SLC39A10: variants seen among roughly 807,000 people sequenced by gnomAD.
The protein encoded by SLC39A10 is solute carrier family 39 member 10, also known as zinc transporter ZIP10.
SLC39A10 carries 13 observed loss-of-function variants against 65.1 expected under a neutral mutation model. The observed-to-expected ratio is 0.20, with a 90% confidence interval of 0.13 to 0.32. The LOEUF (loss-of-function observed/expected upper bound fraction) is 0.32, where lower values mean the gene tolerates loss of function less well. Ranked by LOEUF, SLC39A10 falls within the 10% of genes least tolerant of loss-of-function variation. The probability of loss-of-function intolerance (pLI) is 1.00; values close to 1 mark genes in which losing one functional copy is unlikely to be tolerated. For synonymous variants in SLC39A10, 321 were observed against 342.2 expected, an observed-to-expected ratio of 0.94 and a Z score of 0.68; for missense variants, 831 against 1,018.4, an observed-to-expected ratio of 0.82 and a Z score of 2.50.
In SLC39A10 at chr2:195,734,902, G is replaced by A. The variant is rs763850519; in HGVS notation, c.2357G>A (p.Gly786Asp). ...LVDMLPEMLH[G>D]DGDNEEHGFC... Reference sequence around the variant, plus strand: ...TTCTAGCTTCCAGAAATGTTGCATGGTGATGGTGACAATGAAGAACATGGC... The same window carrying A: ...TTCTAGCTTCCAGAAATGTTGCATGATGATGGTGACAATGAAGAACATGGC... The change falls in exon 10 of 10, where the codon GGT becomes GAT. Residue 786 changes from glycine (G) to aspartate (D), a missense_variant. Physicochemically the swap from Gly to Asp is moderately conservative, Grantham distance 94. This residue lies in a region of SLC39A10 where 120 missense variants were observed against 203.9 expected (regional missense o/e 0.59). Coordinates refer to ENST00000359634, the MANE Select transcript of SLC39A10 (RefSeq NM_020342.3). 1 of 1,607,194 alleles carries A rather than the reference G, an allele frequency of 6.2e-7. No homozygotes were observed. The highest frequency in any genetic ancestry group is 8.5e-7 in the Non-Finnish European group (1 of 1,177,430).
rs67959883 is a variant in SLC39A10 at position 195,623,901 on chromosome 2, CCACACACA to C, written c.-12+17700_-12+17707del. Among the ~76,000 whole-genome samples, 715 of 142,954 alleles carry C rather than the reference CCACACACA, an allele frequency of 5.0e-3. 4 individuals are homozygous for C. The highest frequency in any genetic ancestry group is 0.016 in the East Asian group (81 of 4,920). 93.8% of individuals were successfully genotyped at this position (142,954 alleles called of 152,430 possible). A position where few individuals can be genotyped will look rare whatever the true frequency, so the allele number is the denominator to read the frequency against. On this transcript the variant is annotated intron_variant, in intron 2 of 2. Transcript: ENST00000458054. ...ACAATACAACCAACTAAACAAAAAA[CCACACACA>C]CACACACACACACACACACACACAC...
chr2:195,648,449 C>G (rs537301444), intron 2 of SLC39A10, among the ~76,000 whole-genome samples: 2 of 151,940 alleles, frequency 1.3e-5, no homozygotes, highest in South Asian at 4.2e-4. Flanking sequence ...AGATGGAGGT[C>G]GGCCAATTGC....
At chr2:195,634,226 C>T (rs766262491) in intron 2 of SLC39A10, among the ~76,000 whole-genome samples, 5 of 152,176 alleles carry the variant, frequency 3.3e-5, no homozygotes, top group Non-Finnish European at 5.9e-5. Context: ...TATTGATCTA[C>T]GTAATCTGAT....
chr2:195,731,678 T>C (rs1003499859), intron 9 of SLC39A10, among the ~76,000 whole-genome samples: 7 of 152,188 alleles, frequency 4.6e-5, no homozygotes, highest in Non-Finnish European at 1.0e-4. Context: ...TTGATATGTG[T>C]TATGATAGAG....
At chr2:195,638,461 T>C (rs2105702992) in intron 2 of SLC39A10, among the ~76,000 whole-genome samples, 1 of 152,178 alleles carries the variant, frequency 6.6e-6, no homozygotes, top group South Asian at 2.1e-4. Context: ...TGCCTTAGCC[T>C]CCCGAGTAGC....
chr2:195,645,117 C>T (rs1688887692), intron 2 of SLC39A10, among the ~76,000 whole-genome samples: 1 of 151,924 alleles, frequency 6.6e-6, no homozygotes. Flanking sequence ...CCATGTTGGT[C>T]AGGCTGGTCT....
intron 2 of SLC39A10, among the ~76,000 whole-genome samples, chr2:195,614,513 C>CT (rs1688165692): frequency 6.6e-6 from 1 of 152,180 alleles, no homozygotes; most frequent in South Asian, 2.1e-4. Flanking sequence ...CTCCACAACC[C>CT]TTACCCACTT....
chr2:195,669,074 G>GAAAAA (rs11440320), intron 1 of SLC39A10, among the ~76,000 whole-genome samples: 1 of 135,024 alleles, frequency 7.4e-6, no homozygotes, highest in Non-Finnish European at 1.6e-5. Context: ...CTCCCTCTCA[G>GAAAAA]AAAAAAAAAA....
At chr2:195,642,126 A>C (rs1466298297) in intron 2 of SLC39A10, among the ~76,000 whole-genome samples, 1 of 152,140 alleles carries the variant, frequency 6.6e-6, no homozygotes, top group Non-Finnish European at 1.5e-5. Context: ...AGGTCTATGC[A>C]TGGGAGGACC....
intron 3 of SLC39A10, among the ~76,000 whole-genome samples, chr2:195,700,592 G>A (rs911630320): frequency 2.6e-5 from 4 of 152,090 alleles, no homozygotes; most frequent in African/African-American, 9.7e-5. Context: ...ATTTCTTACA[G>A]GGCAAGTCTA....
intron 6 of SLC39A10, 70 bp downstream of exon 6, chr2:195,713,623 T>G: frequency 7.0e-7 from 1 of 1,435,048 alleles, no homozygotes; most frequent in Non-Finnish European, 9.3e-7. Flanking sequence ...ACATTTAATT[T>G]CTATTTACAT....
chr2:195,654,199 G>A (rs535559988), upstream of SLC39A10, among the ~76,000 whole-genome samples: 15 of 152,030 alleles, frequency 9.9e-5, no homozygotes, highest in African/African-American at 2.4e-4. Flanking sequence ...TCAGCCTCCC[G>A]AAGTGCTGGG....
At chr2:195,614,976 G>C (rs1243691033) in intron 2 of SLC39A10, among the ~76,000 whole-genome samples, 5 of 152,086 alleles carry the variant, frequency 3.3e-5, no homozygotes, top group African/African-American at 1.2e-4. Flanking sequence ...ACCTGAGCCT[G>C]GGAGGTCAAA....
At chr2:195,729,739 C>A (rs1040654117) in intron 9 of SLC39A10, among the ~76,000 whole-genome samples, 2 of 152,072 alleles carry the variant, frequency 1.3e-5, no homozygotes, top group Non-Finnish European at 2.9e-5. Context: ...CTCTTAGTTC[C>A]AACTTCCCCT....
Position 195,737,670 on chromosome 2 carries a change from C to T in SLC39A10, c.*2629C>T, listed in dbSNP as rs1387678252. ...TATGTTCCTAATGCTTATGGAACTC[C>T]TCCAAAATAAAGTTACTCAAAGAGA... On this transcript the variant is annotated 3_prime_UTR_variant, in exon 10 of 10. Coordinates refer to ENST00000359634, the MANE Select transcript of SLC39A10 (RefSeq NM_020342.3). 4 of 360,152 alleles carry T rather than the reference C, an allele frequency of 1.1e-5. No individual in the cohort carries two copies. The South Asian group carries it at 1.2e-4, about 10-fold the overall frequency. The allele number at this position is 360,152 out of a possible 1,614,324, so 22.3% of individuals were successfully genotyped here.
chr2:195,703,351 A>G lies in SLC39A10; in HGVS notation c.1217-3265A>G, dbSNP rs930833079. 2.6e-5 allele frequency among the ~76,000 whole-genome samples: 4 copies of G among 152,206 alleles called. No homozygotes were observed. The South Asian group carries it at 8.3e-4, about 32-fold the overall frequency. On this transcript the variant is annotated intron_variant, in intron 3 of 9. Transcript: ENST00000359634. ...ATTTTCAACTCTGTCAATCAAGGCA[A>G]TGTATATATGAAGGAGTAATTAACT...
chr2:195,683,066 T>C (rs1690390882), intron 2 of SLC39A10, among the ~76,000 whole-genome samples: 1 of 152,036 alleles, frequency 6.6e-6, no homozygotes, highest in Non-Finnish European at 1.5e-5. Context: ...AACCATATGA[T>C]GGATCCAAAC....
intron 2 of SLC39A10, among the ~76,000 whole-genome samples, chr2:195,621,086 A>G (rs1203693969): frequency 1.3e-5 from 2 of 152,168 alleles, no homozygotes; most frequent in African/African-American, 2.4e-5. Flanking sequence ...TTTATCTCAA[A>G]TTTATCTAAG....
intron 5 of SLC39A10, 51 bp downstream of exon 5, chr2:195,708,895 A>C: frequency 7.3e-7 from 1 of 1,371,502 alleles, no homozygotes; most frequent in Non-Finnish European, 9.9e-7. Flanking sequence ...CAAAACAAAA[A>C]TTATCCTTTT....
Sources: gnomAD v4.1 joint callset for allele counts (sites outside exome capture counted in the v4.1 genomes callset) on GRCh38, gnomAD v4.1.1 for gene constraint, gnomAD v4.1.1 regional missense constraint, MANE v1.5 for transcripts, NCBI Gene and HGNC (gene_info 2026-07-23, HGNC 2026-07-21) for gene names.